ARFGAP3: variants seen among roughly 807,000 people sequenced by gnomAD.
ARFGAP3 encodes the protein ADP-ribosylation factor GTPase-activating protein 3.
ARFGAP3 carries 72 observed loss-of-function variants against 75.0 expected under a neutral mutation model. That is an observed-to-expected ratio of 0.96 (90% CI 0.79 to 1.17). The LOEUF (loss-of-function observed/expected upper bound fraction) is 1.17, where lower values mean the gene tolerates loss of function less well. Among genes scored for constraint, ARFGAP3 ranks in the 50% most tolerant of loss-of-function variants. The probability of loss-of-function intolerance (pLI) is 0.00; values close to 1 mark genes in which losing one functional copy is unlikely to be tolerated. For synonymous variants in ARFGAP3, 221 were observed against 217.9 expected (o/e 1.01, Z -0.13); for missense variants, 620 against 626.6 (o/e 0.99, Z 0.11).
intron 2 of ARFGAP3, among the ~76,000 whole-genome samples, chr22:42,845,609 A>T (rs1488394019): frequency 1.3e-5 from 2 of 152,166 alleles, no homozygotes; most frequent in African/African-American, 2.4e-5. Flanking sequence ...CTTTTCAACA[A>T]ATGGTGATGG....
chr22:42,841,526 C>T (rs1373784001), intron 2 of ARFGAP3, among the ~76,000 whole-genome samples: 1 of 152,178 alleles, frequency 6.6e-6, no homozygotes, highest in East Asian at 1.9e-4. Flanking sequence ...CAAGCACTTC[C>T]TGCCCCTTCC....
At chr22:42,811,249 C>G (rs932133562) in intron 11 of ARFGAP3, among the ~76,000 whole-genome samples, 1 of 152,180 alleles carries the variant, frequency 6.6e-6, no homozygotes, top group Non-Finnish European at 1.5e-5. Context: ...ACATGGAGGA[C>G]AGGTACTCTA....
Position 42,857,197 on chromosome 22 carries a change from C to T in ARFGAP3, c.-15G>A, listed in dbSNP as rs754772571. 14 of 1,507,504 alleles carry T rather than the reference C, an allele frequency of 9.3e-6. No individual in the cohort carries two copies. In the Admixed American group the frequency reaches 2.4e-4, roughly 25 times the overall value. The allele number at this position is 1,507,504 out of a possible 1,614,324, so 93.4% of individuals were successfully genotyped here. On this transcript the variant is annotated 5_prime_UTR_variant, in exon 1 of 16. Coordinates refer to ENST00000263245, the MANE Select transcript of ARFGAP3 (RefSeq NM_014570.5). ...GGGTCCCCCATCGTCAGCTGTGAGC[C>T]GCGGCGCAGCTGGCCCAGCCAACCG...
Position 42,799,176 on chromosome 22 carries a change from A to G in ARFGAP3, c.1412-16T>C. On this transcript the variant is annotated splice_polypyrimidine_tract_variant and intron_variant, in intron 14 of 15. Coordinates refer to ENST00000263245, the MANE Select transcript of ARFGAP3 (RefSeq NM_014570.5). ...CTGTAGTTCCCTGCACACACACAGC[A>G]GACACTGTCTCATCACTGCCCTGGC... 1 of 1,613,358 alleles carries G rather than the reference A, an allele frequency of 6.2e-7. No homozygotes were observed. Among genetic ancestry groups the G allele is most frequent in the Non-Finnish European group, 8.5e-7 (1 of 1,179,462 alleles).
chr22:42,840,806 C>T (rs1926747490), intron 3 of ARFGAP3, 138 bp downstream of exon 3: 3 of 871,564 alleles, frequency 3.4e-6, no homozygotes, highest in Non-Finnish European at 5.2e-6. Flanking sequence ...GTGATCCTCC[C>T]AAACGCCTGT....
chr22:42,839,116 A>C (rs1386647438), intron 3 of ARFGAP3, among the ~76,000 whole-genome samples: 2 of 119,792 alleles, frequency 1.7e-5, no homozygotes, highest in Non-Finnish European at 1.9e-5. Context: ...TCTCAAAAAA[A>C]AAAAAAGAAA....
At chr22:42,821,525 A>C (rs907616972) in intron 9 of ARFGAP3, among the ~76,000 whole-genome samples, 2 of 152,180 alleles carry the variant, frequency 1.3e-5, no homozygotes, top group Non-Finnish European at 2.9e-5. Context: ...AAACTTTTCA[A>C]GGTTTATCCA....
rs1925641392 is a variant in ARFGAP3 at position 42,817,736 on chromosome 22, A to C, written c.934T>G (p.Cys312Gly). 5 of 1,612,082 alleles carry C rather than the reference A, an allele frequency of 3.1e-6. No individual in the cohort carries two copies. The highest frequency in any genetic ancestry group is 3.4e-6 in the Non-Finnish European group (4 of 1,178,940). ...SDRLGMGFGN[C>G]RSVISHSVTS... Reference sequence around the variant, plus strand: ...GAAAGCAGTCTCACATACCTTCTGCAATTTCCAAATCCCATGCCGAGTCTG... The same window carrying C: ...GAAAGCAGTCTCACATACCTTCTGCCATTTCCAAATCCCATGCCGAGTCTG... Residue 312 changes from cysteine (C) to glycine (G), a missense_variant, in exon 10 of 16, where the codon TGC becomes GGC. By Grantham distance (159) the Cys-to-Gly change is radical. Transcript: ENST00000263245.
intron 6 of ARFGAP3, among the ~76,000 whole-genome samples, chr22:42,830,160 C>T (rs140406654): frequency 7.2e-5 from 11 of 152,234 alleles, no homozygotes; most frequent in Non-Finnish European, 1.3e-4. Context: ...CTGTCACCCA[C>T]GCTGGAGAGT....
In ARFGAP3 at chr22:42,807,032, G is replaced by A. The variant is rs1460035807; in HGVS notation, c.1411+41C>T. Reference sequence around the variant, plus strand: ...TATCCAGATGAAATGTGTTCATACCGTAGACATGACAGAGACCAGCTCTTG... The same window carrying A: ...TATCCAGATGAAATGTGTTCATACCATAGACATGACAGAGACCAGCTCTTG... On this transcript the variant is annotated intron_variant, in intron 14 of 15. Coordinates refer to ENST00000263245, the MANE Select transcript of ARFGAP3 (RefSeq NM_014570.5). 7 of 1,551,520 alleles carry A rather than the reference G, an allele frequency of 4.5e-6. No homozygotes were observed. The African/African-American group carries it at 5.5e-5, about 12-fold the overall frequency.
At chr22:42,854,360 C>T (rs541829718) in intron 1 of ARFGAP3, among the ~76,000 whole-genome samples, 52 of 152,324 alleles carry the variant, frequency 3.4e-4, no homozygotes, top group Non-Finnish European at 5.6e-4. Flanking sequence ...TGCGGTGGCT[C>T]ACGCCTGTAA....
At position 42,817,260 on chromosome 22, in the gene ARFGAP3, T is replaced by A. The variant is rs75405504; in HGVS notation, c.946A>T (p.Ile316Phe). Residue 316 changes from isoleucine to phenylalanine, a missense_variant, in exon 11 of 16, where the codon ATT becomes TTT. Physicochemically the swap from Ile to Phe is conservative, Grantham distance 21. Transcript: ENST00000263245. ...ATATCTGAAGTCACTGAATGTGAAA[T>A]AACACTTGAGAAAACAGAAAAATAT... ...GMGFGNCRSV[I>F]SHSVTSDMQT... 3,234 of 1,606,086 alleles carry A rather than the reference T, an allele frequency of 2.0e-3. 56 individuals carry two copies. In the African/African-American group the frequency reaches 0.037, roughly 18 times the overall value.
intron 8 of ARFGAP3, 28 bp from the exon 9 acceptor site, chr22:42,822,437 C>T (rs1474101256): frequency 5.0e-6 from 8 of 1,603,282 alleles, no homozygotes; most frequent in Non-Finnish European, 6.8e-6. Context: ...CTATAGTCTA[C>T]ACGAGCTGTT....
intron 3 of ARFGAP3, among the ~76,000 whole-genome samples, chr22:42,838,970 T>C (rs2146571370): frequency 6.6e-6 from 1 of 150,624 alleles, no homozygotes; most frequent in African/African-American, 2.4e-5. Flanking sequence ...ATTAGCTGGG[T>C]GTGGTGGCGG....
intron 10 of ARFGAP3, 65 bp downstream of exon 10, chr22:42,817,664 G>A: frequency 7.4e-7 from 1 of 1,343,708 alleles, no homozygotes; most frequent in African/African-American, 1.5e-5. Flanking sequence ...CACAGTCCAA[G>A]AAAAATCCAC....
At chr22:42,816,469 T>A (rs562176750) in intron 11 of ARFGAP3, among the ~76,000 whole-genome samples, 1 of 152,326 alleles carries the variant, frequency 6.6e-6, no homozygotes, top group Non-Finnish European at 1.5e-5. Flanking sequence ...ATTTTGTGCC[T>A]TTTTAGCAGA....
chr22:42,801,260 G>C (rs1181357097), intron 14 of ARFGAP3, among the ~76,000 whole-genome samples: 1 of 152,202 alleles, frequency 6.6e-6, no homozygotes, highest in Non-Finnish European at 1.5e-5. Context: ...ATGTTTCCCA[G>C]GTTTCTGCTT....
chr22:42,853,524 T>A (rs542475631), intron 1 of ARFGAP3: 44 of 211,288 alleles, frequency 2.1e-4, no homozygotes, highest in Non-Finnish European at 4.1e-4. Flanking sequence ...TGAGCTGACA[T>A]GGAGATGGCC....
intron 4 of ARFGAP3, among the ~76,000 whole-genome samples, chr22:42,835,137 G>C (rs1387917038): frequency 6.6e-6 from 1 of 152,156 alleles, no homozygotes; most frequent in African/African-American, 2.4e-5. Flanking sequence ...GAGCTTATAG[G>C]AACCTAATCC....
Sources: gnomAD v4.1 joint callset for allele counts (sites outside exome capture counted in the v4.1 genomes callset) on GRCh38, gnomAD v4.1.1 for gene constraint, MANE v1.5 for transcripts, NCBI Gene and HGNC (gene_info 2026-07-23, HGNC 2026-07-21) for gene names.